The following FGF13 variants were observed in gnomAD, a reference collection of about 807,000 sequenced individuals.
FGF13 encodes the protein fibroblast growth factor 13.
Under a neutral mutation model 19.5 loss-of-function variants are expected in FGF13, and 2 were observed. That is an observed-to-expected ratio of 0.10 (90% CI 0.04 to 0.32). The LOEUF is 0.32. Among genes scored for constraint, FGF13 ranks in the 10% least tolerant of loss-of-function variants. The probability of loss-of-function intolerance (pLI) is 1.00; values close to 1 mark genes in which losing one functional copy is unlikely to be tolerated. For synonymous variants in FGF13, 72 were observed against 76.9 expected, an observed-to-expected ratio of 0.94 and a Z score of 0.33; for missense variants, 113 against 192.7, an observed-to-expected ratio of 0.59 and a Z score of 2.45.
chrX:138,881,245 A>G (rs2091422294), intron 1 of FGF13, among the ~76,000 whole-genome samples: 1 of 111,620 alleles, frequency 9.0e-6, no homozygotes, highest in Admixed American at 9.6e-5. Context: ...TGGTGTTTAG[A>G]GATACAACCA....
At chrX:138,918,956 T>A (rs2091631338) in intron 1 of FGF13, among the ~76,000 whole-genome samples, 2 of 111,671 alleles carry the variant, frequency 1.8e-5, no homozygotes, top group Non-Finnish European at 3.8e-5. Context: ...TTCTAACTTA[T>A]GAGGTGCTTC....
chrX:138,967,539 A>C (rs5931527), intron 1 of FGF13, among the ~76,000 whole-genome samples: 2 of 110,046 alleles, frequency 1.8e-5, no homozygotes. Context: ...AGGAGGCTAC[A>C]GCAAAGAAAG....
chrX:138,813,076 A>G (rs917893343), intron 3 of FGF13, among the ~76,000 whole-genome samples: 12 of 111,881 alleles, frequency 1.1e-4, no homozygotes, highest in African/African-American at 3.9e-4. Flanking sequence ...TATGTGCCAC[A>G]TTTTCTTAAT....
At chrX:138,873,033 G>T (rs1412740681) in intron 1 of FGF13, among the ~76,000 whole-genome samples, 1 of 111,785 alleles carries the variant, frequency 8.9e-6, no homozygotes, top group African/African-American at 3.2e-5. Context: ...GACAGGGGGA[G>T]AAAAAGAACG....
At chrX:138,637,737 T>A (rs1341626116) in intron 3 of FGF13, among the ~76,000 whole-genome samples, 1 of 111,949 alleles carries the variant, frequency 8.9e-6, no homozygotes, top group African/African-American at 3.3e-5. Context: ...ATAGATACAA[T>A]GTGTGCTACC....
intron 3 of FGF13, among the ~76,000 whole-genome samples, chrX:138,694,451 C>CTTTTTTT (rs755524415): frequency 3.4e-5 from 3 of 88,263 alleles, no homozygotes; most frequent in African/African-American, 8.2e-5. Context: ...CTTTTCTTTT[C>CTTTTTTT]TTTTTTTTTT....
chrX:138,745,480 C>T (rs540742645), intron 3 of FGF13, among the ~76,000 whole-genome samples: 3 of 112,113 alleles, frequency 2.7e-5, no homozygotes, highest in South Asian at 3.8e-4. Flanking sequence ...TGCTAATCCT[C>T]CCAACAACAA....
At chrX:138,694,617 AT>A (rs775254347) in intron 3 of FGF13, among the ~76,000 whole-genome samples, 15 of 103,437 alleles carry the variant, frequency 1.5e-4, no homozygotes, top group African/African-American at 2.5e-4. Context: ...AGCCCGGCTA[AT>A]TTTTTTTTTA....
intron 1 of FGF13, among the ~76,000 whole-genome samples, chrX:139,093,834 T>G (rs753535303): frequency 1.8e-5 from 2 of 112,122 alleles, no homozygotes; most frequent in Non-Finnish European, 3.8e-5. Context: ...AGCGAACAAG[T>G]GTAATGCTAC....
chrX:138,712,467 CTT>C (rs1269417108), upstream of FGF13, among the ~76,000 whole-genome samples: 1 of 111,271 alleles, frequency 9.0e-6, no homozygotes, highest in Admixed American at 9.5e-5. Context: ...AATCTCCTAA[CTT>C]ATTTTTTTCT....
chrX:138,698,544 C>T (rs1169259128), intron 3 of FGF13, among the ~76,000 whole-genome samples: 1 of 111,549 alleles, frequency 9.0e-6, no homozygotes, highest in African/African-American at 3.3e-5. Flanking sequence ...ACTTCAGTGG[C>T]GTGTCCTCAG....
At chrX:138,905,142 T>A (rs2091550964) in intron 1 of FGF13, among the ~76,000 whole-genome samples, 1 of 110,825 alleles carries the variant, frequency 9.0e-6, no homozygotes, top group East Asian at 2.8e-4. Context: ...AAATCTGGGA[T>A]TCTTGGGACA....
intron 1 of FGF13, among the ~76,000 whole-genome samples, chrX:138,994,979 G>A (rs1347385926): frequency 2.0e-5 from 1 of 50,059 alleles, no homozygotes; most frequent in East Asian, 7.3e-4. Context: ...CAACAACTAT[G>A]TAACCAAAAA....
intron 3 of FGF13, among the ~76,000 whole-genome samples, chrX:138,688,542 G>A (rs1333583730): frequency 9.0e-6 from 1 of 111,034 alleles, no homozygotes; most frequent in African/African-American, 3.3e-5. Flanking sequence ...ACCCTGATTT[G>A]ATAATTACAC....
At chrX:138,738,631 A>G (rs1333707846) in intron 1 of FGF13, among the ~76,000 whole-genome samples, 1 of 111,572 alleles carries the variant, frequency 9.0e-6, no homozygotes. Flanking sequence ...CCTTGCCGCC[A>G]TGGAGGAACA....
At chrX:139,181,491 T>C (rs1459357900) in intron 1 of FGF13, among the ~76,000 whole-genome samples, 1 of 112,902 alleles carries the variant, frequency 8.9e-6, no homozygotes, top group Non-Finnish European at 1.9e-5. Flanking sequence ...AGTCCAGGCC[T>C]TTGGCCAAGT....
At chrX:138,876,390 T>C (rs2091389405) in intron 1 of FGF13, among the ~76,000 whole-genome samples, 1 of 112,335 alleles carries the variant, frequency 8.9e-6, no homozygotes, top group African/African-American at 3.2e-5. Context: ...TTTGAGTTCA[T>C]CAAAAGGCAC....
intron 3 of FGF13, chrX:138,807,127 T>A (rs1031823977): frequency 9.0e-6 from 1 of 110,743 alleles, no homozygotes; most frequent in African/African-American, 3.3e-5. Flanking sequence ...AACTATGTAA[T>A]CTGTTGAGGG....
At chrX:139,177,814 C>T (rs1241891903) in intron 1 of FGF13, among the ~76,000 whole-genome samples, 6 of 112,209 alleles carry the variant, frequency 5.3e-5, no homozygotes, top group Admixed American at 4.7e-4. Flanking sequence ...TTGGCCCAAA[C>T]GGCCAGCCAT....
Sources: gnomAD v4.1 joint callset for allele counts (sites outside exome capture counted in the v4.1 genomes callset) on GRCh38, gnomAD v4.1.1 for gene constraint, MANE v1.5 for transcripts, NCBI Gene and HGNC (gene_info 2026-07-23, HGNC 2026-07-21) for gene names.